The following APP variants were observed in gnomAD, a reference collection of about 807,000 sequenced individuals.
APP encodes amyloid beta precursor protein.
In APP, 31 loss-of-function variants were observed where a neutral mutation model predicts 101.4. The observed-to-expected ratio is 0.31, with a 90% CI of 0.23 to 0.41. The LOEUF (loss-of-function observed/expected upper bound fraction) is 0.41. Ranked by LOEUF, APP falls within the 10% of genes least tolerant of loss-of-function variation. The pLI is 1.00. For synonymous variants in APP, 366 were observed against 364.4 expected, an observed-to-expected ratio of 1.00 and a Z score of -0.05; for missense variants, 839 against 1,003.7, an observed-to-expected ratio of 0.84 and a Z score of 2.22.
At chr21:26,160,841 G>C (rs2063475243) in intron 1 of APP, among the ~76,000 whole-genome samples, 1 of 152,014 alleles carries the variant, frequency 6.6e-6, no homozygotes, top group Non-Finnish European at 1.5e-5. Flanking sequence ...CAAAAATGAG[G>C]CATTTTTTCT....
At chr21:25,976,164 C>T (rs1056091191) in intron 9 of APP, 136 bp from the exon 10 acceptor site, 29 of 670,246 alleles carry the variant, frequency 4.3e-5, no homozygotes, top group Admixed American at 1.1e-4. Context: ...ATACCCCTTC[C>T]TATCTGAAGA....
intron 1 of APP, among the ~76,000 whole-genome samples, chr21:26,131,058 CT>C (rs1241429909): frequency 2.0e-5 from 3 of 152,002 alleles, no homozygotes; most frequent in Non-Finnish European, 4.4e-5. Context: ...GGAGAAACCC[CT>C]TCTCTACTAA....
intron 11 of APP, among the ~76,000 whole-genome samples, chr21:25,959,674 T>G (rs2041492895): frequency 6.6e-6 from 1 of 152,220 alleles, no homozygotes; most frequent in Admixed American, 6.5e-5. Context: ...TGCATGAAAT[T>G]ATTTAGCTAA....
intron 11 of APP, among the ~76,000 whole-genome samples, chr21:25,965,023 T>C (rs1408503713): frequency 6.6e-6 from 1 of 152,220 alleles, no homozygotes; most frequent in Non-Finnish European, 1.5e-5. Context: ...CATATAGAAC[T>C]GAAATTTAGC....
At chr21:25,910,906 T>A (rs1031914623) in intron 14 of APP, among the ~76,000 whole-genome samples, 1 of 152,254 alleles carries the variant, frequency 6.6e-6, no homozygotes. Flanking sequence ...CTTTGGTGCC[T>A]GTCAAATCTG....
chr21:25,988,699 T>G, intron 8 of APP, among the ~76,000 whole-genome samples: 1 of 75,876 alleles, frequency 1.3e-5, no homozygotes. Context: ...CGAAACTCTG[T>G]CTCAAAAAAA....
intron 11 of APP, among the ~76,000 whole-genome samples, chr21:25,964,793 T>C (rs920002541): frequency 2.0e-5 from 3 of 151,680 alleles, no homozygotes; most frequent in African/African-American, 7.3e-5. Flanking sequence ...AGAGACAGGG[T>C]TTCTCCATGT....
chr21:26,013,831 C>A (rs2043928396), intron 6 of APP, among the ~76,000 whole-genome samples: 1 of 152,060 alleles, frequency 6.6e-6, no homozygotes, highest in South Asian at 2.1e-4. Flanking sequence ...AGATTGAGAC[C>A]ATTAAACTAC....
intron 9 of APP, among the ~76,000 whole-genome samples, chr21:25,981,711 GTTT>G (rs11330953): frequency 2.4e-5 from 3 of 127,360 alleles, no homozygotes; most frequent in Non-Finnish European, 3.4e-5. Flanking sequence ...ACCAAAACAG[GTTT>G]TTTTTTTTTT....
intron 11 of APP, among the ~76,000 whole-genome samples, chr21:25,960,554 T>C (rs1021076290): frequency 6.6e-6 from 1 of 152,052 alleles, no homozygotes; most frequent in African/African-American, 2.4e-5. Flanking sequence ...AACCACTCAG[T>C]CAGTACGGAA....
intron 6 of APP, among the ~76,000 whole-genome samples, chr21:26,011,979 T>C (rs1028673265): frequency 9.2e-5 from 14 of 152,122 alleles, no homozygotes; most frequent in African/African-American, 1.9e-4. Context: ...ATCAACTAAA[T>C]ATAGCGTAAC....
intron 11 of APP, among the ~76,000 whole-genome samples, chr21:25,955,986 G>T (rs2041302316): frequency 6.6e-6 from 1 of 152,134 alleles, no homozygotes; most frequent in Non-Finnish European, 1.5e-5. Context: ...CGACATATAT[G>T]ATGACTGTCC....
At chr21:25,957,989 TA>T (rs922772812) in intron 11 of APP, among the ~76,000 whole-genome samples, 1 of 151,620 alleles carries the variant, frequency 6.6e-6, no homozygotes, top group Non-Finnish European at 1.5e-5. Context: ...GTCTTTTAAT[TA>T]AAAAAAACAA....
At chr21:26,111,256 T>C (rs1313262678) in intron 2 of APP, among the ~76,000 whole-genome samples, 1 of 152,074 alleles carries the variant, frequency 6.6e-6, no homozygotes, top group African/African-American at 2.4e-5. Context: ...GTATATTTCA[T>C]AGAACTAACA....
At chr21:25,889,667 C>G (rs1328903441) in intron 17 of APP, among the ~76,000 whole-genome samples, 1 of 152,102 alleles carries the variant, frequency 6.6e-6, no homozygotes, top group East Asian at 1.9e-4. Context: ...ATGGCAAAAC[C>G]CTGTCTCTAC....
At chr21:26,039,602 C>A (rs755160096) in intron 5 of APP, among the ~76,000 whole-genome samples, 1 of 152,232 alleles carries the variant, frequency 6.6e-6, no homozygotes. Context: ...TCCACAGGCA[C>A]GTGTGGCCTA....
rs1371500051 is a variant in APP at position 26,051,052 on chromosome 21, C to T, written c.610G>A (p.Asp204Asn). 1 of 1,614,208 alleles carries T rather than the reference C, an allele frequency of 6.2e-7. No individual in the cohort carries two copies. Among genetic ancestry groups the T allele is most frequent in the Non-Finnish European group, 8.5e-7 (1 of 1,180,036 alleles). ...DNVDSADAEE[D>N]DSDVWWGGAD... ...CCGCCCCACCAGACATCCGAGTCAT[C>T]CTCCTCCGCATCAGCAGAATCCACA... Residue 204 changes from aspartate to asparagine, a missense_variant, in exon 5 of 18, where the codon GAT becomes AAT. Asp to Asn is a conservative substitution (Grantham distance 23, BLOSUM62 1). Transcript: ENST00000346798.
chr21:26,062,314 G>A lies in APP; in HGVS notation c.356-8966C>T, dbSNP rs8130138. Among the ~76,000 whole-genome samples the A allele has an allele frequency of 2.2e-3, 336 of 150,846 alleles. 3 individuals carry two copies. The highest frequency in any genetic ancestry group is 8.0e-3 in the African/African-American group (328 of 41,068). On this transcript the variant is annotated intron_variant, in intron 3 of 17. Transcript: ENST00000346798. ...CACTGGTCTTAAAATAATAAAAATA[G>A]TGCAAAGGATTTACTTTAAAAAAGA...
At chr21:26,148,011 C>T (rs2063188020) in intron 1 of APP, among the ~76,000 whole-genome samples, 1 of 152,118 alleles carries the variant, frequency 6.6e-6, no homozygotes, top group Non-Finnish European at 1.5e-5. Flanking sequence ...TAGAAAAATG[C>T]ACTGATAAAA....
Sources: gnomAD v4.1 joint callset for allele counts (sites outside exome capture counted in the v4.1 genomes callset) on GRCh38, gnomAD v4.1.1 for gene constraint, MANE v1.5 for transcripts, NCBI Gene and HGNC (gene_info 2026-07-23, HGNC 2026-07-21) for gene names.